Variants in LGR4 observed in about 807,000 individuals in gnomAD.
LGR4 encodes the protein leucine-rich repeat-containing G protein-coupled receptor 4.
LGR4 carries 44 observed loss-of-function variants against 84.8 expected under a neutral mutation model. The observed-to-expected ratio is 0.52, with a 90% CI of 0.41 to 0.67. LGR4 has a LOEUF of 0.67. LGR4 is among the 30% of genes least tolerant of loss of function. The pLI is 0.00. For missense variants in LGR4, 1,032 were observed against 1,131.4 expected, an observed-to-expected ratio of 0.91 and a Z score of 1.26; for synonymous variants, 429 against 434.3, an observed-to-expected ratio of 0.99 and a Z score of 0.15.
intron 1 of LGR4, among the ~76,000 whole-genome samples, chr11:27,436,074 G>A (rs921137240): frequency 1.3e-5 from 2 of 151,376 alleles, no homozygotes; most frequent in Non-Finnish European, 2.9e-5. Context: ...ACCACGCCCG[G>A]CTAATTTTTT....
intron 1 of LGR4, among the ~76,000 whole-genome samples, chr11:27,438,648 T>C (rs1356908734): frequency 6.6e-6 from 1 of 151,846 alleles, no homozygotes; most frequent in East Asian, 1.9e-4. Context: ...CTCCTTAATA[T>C]GGGTGGGCCT....
At chr11:27,385,513 A>G (rs1156653920) in intron 4 of LGR4, 45 bp from the exon 5 acceptor site, 3 of 1,290,076 alleles carry the variant, frequency 2.3e-6, no homozygotes, top group Non-Finnish European at 3.3e-6. Flanking sequence ...AATTCTAGTG[A>G]AATGAGTCAG....
Position 27,391,163 on chromosome 11 carries a change from G to GATTAT in LGR4, c.331_332insATAAT (p.Thr111AsnfsTer9). On this transcript the variant is annotated frameshift_variant and splice_region_variant, in exon 4 of 18. Coordinates refer to ENST00000379214, the MANE Select transcript of LGR4 (RefSeq NM_018490.5). LOFTEE classifies it high-confidence loss of function. Reference sequence around the variant, plus strand: ...TGTTTTCAACTGATTATTCTGGAGCGTTCTGAAAGAAAATTTTTGGTTAGT... The same window carrying GATTAT: ...TGTTTTCAACTGATTATTCTGGAGCGATTATTTCTGAAAGAAAATTTTTGGTTAGT... 1 of 1,585,634 alleles carries GATTAT rather than the reference G, an allele frequency of 6.3e-7. No homozygotes were observed. The highest frequency in any genetic ancestry group is 2.3e-5 in the East Asian group (1 of 44,074).
In LGR4 at chr11:27,383,015, C is replaced by CA. The variant is rs559264022; in HGVS notation, c.690-760dup. Among the ~76,000 whole-genome samples the CA allele has an allele frequency of 8.4e-4, 127 of 150,746 alleles. No individual in the cohort carries two copies. The East Asian group carries it at 0.022, about 26-fold the overall frequency. ...CTGGTGACAAAGCGAGACTCTGTCT[C>CA]AAAAAAAATAAAAAATAAAAAAATA... On this transcript the variant is annotated intron_variant, in intron 6 of 17. Coordinates refer to ENST00000379214, the MANE Select transcript of LGR4 (RefSeq NM_018490.5).
intron 2 of LGR4, among the ~76,000 whole-genome samples, chr11:27,396,189 T>C (rs1330572431): frequency 6.6e-6 from 1 of 152,214 alleles, no homozygotes; most frequent in East Asian, 1.9e-4. Context: ...TATCCACTTC[T>C]ACCTGTATTG....
rs1240276307 is a variant in LGR4, at chr11:27,378,724, C to T, written c.1016G>A (p.Cys339Tyr). 1.2e-6 allele frequency: 2 copies of T among 1,611,942 alleles called. No individual in the cohort carries two copies. The highest frequency in any genetic ancestry group is 1.7e-6 in the Non-Finnish European group (2 of 1,178,630). ...AGTCCTAAGCATCTTTTGTTCTTGA[C>T]ACAAATTATTAGGTATGCTGCTTAT... The part of the protein sequence containing the change: ...TKISSIPNNL[C>Y]QEQKMLRTLD... The change falls in exon 11 of 18, where the codon TGT becomes TAT. Residue 339 changes from cysteine to tyrosine, a missense_variant. Coordinates refer to ENST00000379214, the MANE Select transcript of LGR4 (RefSeq NM_018490.5).
chr11:27,371,475 A>C, intron 17 of LGR4, 140 bp downstream of exon 17: 1 of 539,120 alleles, frequency 1.9e-6, no homozygotes. Context: ...CTGGTACGCA[A>C]AGCACAAAAT....
Position 27,376,380 on chromosome 11 carries a change from AAAAGAAGAAG to A in LGR4, c.1110-20_1110-11del. On this transcript the variant is annotated splice_polypyrimidine_tract_variant and intron_variant, in intron 12 of 17. Transcript: ENST00000379214. The stretch of plus-strand genomic sequence containing the variant: ...ATTACGCTGTAAAGAACTAAATAAA[AAAAGAAGAAG>A]AAAGAAGACGAAGACAAAGACAAAG... The A allele has an allele frequency of 1.4e-6, 2 of 1,430,054 alleles. No homozygotes were observed. Among genetic ancestry groups the A allele is most frequent in the Non-Finnish European group, 1.9e-6 (2 of 1,033,932 alleles). The allele number at this position is 1,430,054 out of a possible 1,614,324, so 88.6% of individuals were successfully genotyped here. A position where few individuals can be genotyped will look rare whatever the true frequency, so the allele number is the denominator to read the frequency against.
chr11:27,429,663 T>C (rs1281679562), intron 1 of LGR4, among the ~76,000 whole-genome samples: 2 of 152,176 alleles, frequency 1.3e-5, no homozygotes, highest in Non-Finnish European at 2.9e-5. Context: ...GTCAATATGT[T>C]TATCATAGCA....
rs1864897161 is a variant in LGR4 at position 27,472,412 on chromosome 11, C to T, written c.-110G>A. Reference sequence around the variant, plus strand: ...CCGGCCTGCGGGCTGGAGCGGGGGTCTCTTCCTCGGCGGTCCGCGCGGGCT... The same window carrying T: ...CCGGCCTGCGGGCTGGAGCGGGGGTTTCTTCCTCGGCGGTCCGCGCGGGCT... On this transcript the variant is annotated 5_prime_UTR_variant, in exon 1 of 18. Transcript: ENST00000379214. 6.8e-6 allele frequency: 6 copies of T among 887,488 alleles called. No individual in the cohort carries two copies. Among genetic ancestry groups the T allele is most frequent in the Non-Finnish European group, 8.8e-6 (6 of 680,326 alleles). The allele number at this position is 887,488 out of a possible 1,614,324, so 55.0% of individuals were successfully genotyped here. A position where few individuals can be genotyped will look rare whatever the true frequency, so the allele number is the denominator to read the frequency against.
intron 1 of LGR4, among the ~76,000 whole-genome samples, chr11:27,461,367 G>C (rs979414049): frequency 6.6e-6 from 1 of 151,256 alleles, no homozygotes; most frequent in Non-Finnish European, 1.5e-5. Flanking sequence ...ATAACACATA[G>C]GTACCCCATA....
At chr11:27,422,158 C>T (rs1268275091) in intron 1 of LGR4, among the ~76,000 whole-genome samples, 1 of 152,140 alleles carries the variant, frequency 6.6e-6, no homozygotes, top group Non-Finnish European at 1.5e-5. Flanking sequence ...TAAAGATTAT[C>T]GTCTGGGCAA....
chr11:27,382,291 T>C, intron 6 of LGR4, 35 bp from the exon 7 acceptor site: 1 of 1,329,384 alleles, frequency 7.5e-7, no homozygotes, highest in Non-Finnish European at 1.1e-6. Flanking sequence ...ATCAAAATAT[T>C]AAATAGTGGT....
intron 2 of LGR4, among the ~76,000 whole-genome samples, chr11:27,401,980 T>C (rs1474584233): frequency 3.3e-5 from 5 of 152,154 alleles, no homozygotes; most frequent in Non-Finnish European, 7.3e-5. Context: ...CAGAGAAGGC[T>C]TCATATGGCA....
intron 11 of LGR4, among the ~76,000 whole-genome samples, chr11:27,378,292 T>G (rs537341894): frequency 6.6e-6 from 1 of 152,178 alleles, no homozygotes; most frequent in Non-Finnish European, 1.5e-5. Context: ...TAGGTCAGCC[T>G]AAAGTTTTTA....
chr11:27,373,493 C>T, intron 15 of LGR4, 58 bp downstream of exon 15: 1 of 1,460,028 alleles, frequency 6.8e-7, no homozygotes, highest in Non-Finnish European at 9.1e-7. Flanking sequence ...CCAGGACACT[C>T]TGTAATTTTG....
At chr11:27,394,983 G>C (rs144635352) in intron 2 of LGR4, among the ~76,000 whole-genome samples, 1 of 152,168 alleles carries the variant, frequency 6.6e-6, no homozygotes, top group African/African-American at 2.4e-5. Flanking sequence ...CCATTCCGAT[G>C]CCATAGCATC....
At chr11:27,467,429 A>G (rs1390113016) in intron 1 of LGR4, among the ~76,000 whole-genome samples, 1 of 151,976 alleles carries the variant, frequency 6.6e-6, no homozygotes, top group Non-Finnish European at 1.5e-5. Context: ...TTAGCCAGGC[A>G]TGGTGGCGGG....
At chr11:27,392,619 A>G in intron 2 of LGR4, 101 bp from the exon 3 acceptor site, 1 of 954,468 alleles carries the variant, frequency 1.0e-6, no homozygotes, top group Non-Finnish European at 1.5e-6. Context: ...CTCTATGTTA[A>G]ACATTTCTCA....
Sources: allele counts gnomAD v4.1 joint callset (sites outside exome capture counted in the v4.1 genomes callset), GRCh38; gene constraint gnomAD v4.1.1; transcripts MANE v1.5; gene names NCBI Gene and HGNC (gene_info 2026-07-23, HGNC 2026-07-21).